The following PPP2R2D variants were observed in gnomAD, a reference collection of about 807,000 sequenced individuals.
The protein encoded by PPP2R2D is serine/threonine-protein phosphatase 2A 55 kDa regulatory subunit B delta isoform.
PPP2R2D carries 9 observed loss-of-function variants against 31.1 expected under a neutral mutation model. The observed-to-expected ratio is 0.29, with a 90% CI of 0.17 to 0.51. PPP2R2D has a LOEUF of 0.51. Among genes scored for constraint, PPP2R2D ranks in the 20% least tolerant of loss-of-function variants. PPP2R2D has a pLI of 0.98. For missense variants in PPP2R2D, 391 were observed against 465.6 expected, an observed-to-expected ratio of 0.84 and a Z score of 1.48; for synonymous variants, 179 against 172.6, an observed-to-expected ratio of 1.04 and a Z score of -0.29.
chr10:131,960,012 C>T (rs1436601431), downstream of PPP2R2D, among the ~76,000 whole-genome samples: 4 of 152,322 alleles, frequency 2.6e-5, no homozygotes, highest in Admixed American at 6.5e-5. Flanking sequence ...TTGAGGTCTG[C>T]GGCGCACGTT....
chr10:131,905,139 G>A (rs1217029453), intron 2 of PPP2R2D, among the ~76,000 whole-genome samples: 1 of 152,148 alleles, frequency 6.6e-6, no homozygotes, highest in Non-Finnish European at 1.5e-5. Flanking sequence ...TGATGAGCAG[G>A]TGTATAAGCA....
chr10:131,966,090 T>C, the PPP2R2D span, among the ~76,000 whole-genome samples: 6 of 152,196 alleles, frequency 3.9e-5, no homozygotes, highest in Non-Finnish European at 8.8e-5. Flanking sequence ...CTAGAAGTGG[T>C]TTGTGTGTCC....
At chr10:131,970,900 C>T in the PPP2R2D span, 1 of 1,614,150 alleles carries the variant, frequency 6.2e-7, no homozygotes, top group Admixed American at 1.7e-5. The surrounding 1 kb of genome is among the most constrained non-coding windows in gnomAD (Gnocchi z 4.1). Context: ...TGACCAATCC[C>T]ATATCCAATC....
the PPP2R2D span, among the ~76,000 whole-genome samples, chr10:131,966,088 GGTTT>G: frequency 6.6e-6 from 1 of 152,194 alleles, no homozygotes; most frequent in Non-Finnish European, 1.5e-5. Flanking sequence ...TCCTAGAAGT[GGTTT>G]GTGTGTCCAA....
At chr10:131,964,149 T>C (rs1261551955), downstream of PPP2R2D, among the ~76,000 whole-genome samples, 4 of 152,200 alleles carry the variant, frequency 2.6e-5, no homozygotes, top group East Asian at 7.7e-4. Flanking sequence ...TGGCCTCCTC[T>C]GCATCAAATC....
At chr10:131,909,886 G>A (rs1236531001) in intron 2 of PPP2R2D, among the ~76,000 whole-genome samples, 1 of 152,148 alleles carries the variant, frequency 6.6e-6, no homozygotes, top group Non-Finnish European at 1.5e-5. Context: ...TTTTTAATGA[G>A]AAACAACTTT....
At position 131,947,481 on chromosome 10, in the gene PPP2R2D, TTC is replaced by T; in HGVS notation, c.821-45_821-44del. 6.3e-7 allele frequency: 1 copy of T among 1,578,228 alleles called. No homozygotes were observed. ...CCTACTTGAACTTGAAAATGATTTG[TTC>T]TCTGATTTTTAAACAGAAGCTGAAA... is the stretch of plus-strand genomic sequence containing the variant. On this transcript the variant is annotated intron_variant, in intron 7 of 8. Coordinates refer to ENST00000455566, the MANE Select transcript of PPP2R2D (RefSeq NM_018461.5). The surrounding 1 kb of genome is among the most constrained non-coding windows in gnomAD (Gnocchi z 4.3).
chr10:131,918,454 C>T (rs185976563), intron 2 of PPP2R2D, among the ~76,000 whole-genome samples: 21 of 139,784 alleles, frequency 1.5e-4, no homozygotes, highest in East Asian at 6.9e-4. Flanking sequence ...GGACCTCACA[C>T]GGGTGGAGTG....
chr10:131,908,247 A>G (rs2035628922), intron 2 of PPP2R2D, among the ~76,000 whole-genome samples: 2 of 152,094 alleles, frequency 1.3e-5, no homozygotes, highest in Non-Finnish European at 2.9e-5. Flanking sequence ...TTATTCAGTG[A>G]TTATTCCCAT....
rs1203476035 is a variant in PPP2R2D at position 131,945,087 on chromosome 10, C to T, written c.656-208C>T. Among the ~76,000 whole-genome samples, 1 of 152,192 alleles carries T rather than the reference C, an allele frequency of 6.6e-6. No individual in the cohort carries two copies. The highest frequency in any genetic ancestry group is 6.5e-5 in the Admixed American group (1 of 15,284). ...TCGCTTGTCTGTGTCTCCCCCTGGG[C>T]CGGGGCGTTGCTGTAGTCTGAGTGT... On this transcript the variant is annotated intron_variant, in intron 6 of 8. Transcript: ENST00000455566. This position sits in a 1 kb window ranked among gnomAD's most constrained non-coding sequence, Gnocchi z 4.8.
At chr10:131,929,940 T>G (rs1397370132) in intron 2 of PPP2R2D, among the ~76,000 whole-genome samples, 1 of 151,628 alleles carries the variant, frequency 6.6e-6, no homozygotes, top group Non-Finnish European at 1.5e-5. Context: ...GACTGCTCAC[T>G]TTTCATTCCG....
At chr10:131,918,117 T>A (rs1192024399) in intron 2 of PPP2R2D, among the ~76,000 whole-genome samples, 2 of 128,860 alleles carry the variant, frequency 1.6e-5, no homozygotes, top group Non-Finnish European at 3.2e-5. Context: ...GCGGGTGGAA[T>A]GTCAGTGTTT....
At chr10:131,927,360 G>T (rs1338166290) in intron 2 of PPP2R2D, among the ~76,000 whole-genome samples, 1 of 152,194 alleles carries the variant, frequency 6.6e-6, no homozygotes, top group African/African-American at 2.4e-5. Context: ...GGGATTGCAA[G>T]TTTCAGACTA....
chr10:131,945,427 G>C lies in PPP2R2D; in HGVS notation c.788G>C (p.Arg263Pro). The C allele has an allele frequency of 1.2e-6, 2 of 1,613,904 alleles. No homozygotes were observed. The highest frequency in any genetic ancestry group is 1.7e-6 in the Non-Finnish European group (2 of 1,179,896). Residue 263 changes from arginine (R) to proline (P), a missense_variant, in exon 7 of 9, where the codon CGC becomes CCC. Arg to Pro is a moderately radical substitution (Grantham distance 103). Transcript: ENST00000455566. The surrounding 1 kb of genome is among the most constrained non-coding windows in gnomAD (Gnocchi z 4.8). The stretch of plus-strand genomic sequence containing the variant: ...GGGACCATCCGCCTGTGTGACATGC[G>C]CTCCTCGGCCCTGTGCGACAGACAC... ...SKGTIRLCDM[R>P]SSALCDRHSK...
chr10:131,917,700 C>G (rs1468833060), intron 2 of PPP2R2D, among the ~76,000 whole-genome samples: 1 of 108,776 alleles, frequency 9.2e-6, no homozygotes, highest in Non-Finnish European at 1.8e-5. Context: ...GGACCTCAGG[C>G]GGGTGGAATG....
chr10:131,967,129 C>T, the PPP2R2D span: 1 of 152,218 alleles, frequency 6.6e-6, no homozygotes, highest in African/African-American at 2.4e-5. Context: ...CCCACCTCAA[C>T]CTCCCAAAGT....
intron 6 of PPP2R2D, among the ~76,000 whole-genome samples, chr10:131,944,937 G>C (rs11813081): frequency 0.25 from 37,728 of 152,072 alleles, 4,787 homozygotes; most frequent in African/African-American, 0.29. Flanking sequence ...TTTTGTGTGG[G>C]AGTGTGGGAT....
At chr10:131,906,605 C>G (rs2035588218) in intron 2 of PPP2R2D, among the ~76,000 whole-genome samples, 1 of 151,904 alleles carries the variant, frequency 6.6e-6, no homozygotes, top group Non-Finnish European at 1.5e-5. Context: ...AGCATCAGCA[C>G]CAGAAAGTTA....
chr10:131,924,797 A>G (rs2036070144), intron 2 of PPP2R2D, among the ~76,000 whole-genome samples: 1 of 151,154 alleles, frequency 6.6e-6, no homozygotes, highest in Non-Finnish European at 1.5e-5. Context: ...GTGACACAGG[A>G]TAACTTTCTG....
Sources: allele counts gnomAD v4.1 joint callset (sites outside exome capture counted in the v4.1 genomes callset), GRCh38; gene constraint gnomAD v4.1.1; non-coding constraint Gnocchi (gnomAD v3.1); transcripts MANE v1.5; gene names NCBI Gene and HGNC (gene_info 2026-07-23, HGNC 2026-07-21).